Variants in EPB41L2 observed in about 807,000 individuals in gnomAD.
EPB41L2 encodes erythrocyte membrane protein band 4.1 like 2, also known as band 4.1-like protein 2.
EPB41L2 carries 43 observed loss-of-function variants against 113.0 expected under a neutral mutation model. The ratio of observed to expected loss-of-function variants is 0.38; its 90% CI spans 0.30 to 0.49. The LOEUF (loss-of-function observed/expected upper bound fraction) is 0.49, where lower values mean the gene tolerates loss of function less well. Among genes scored for constraint, EPB41L2 ranks in the 20% least tolerant of loss-of-function variants. The probability of loss-of-function intolerance (pLI) is 0.95; values close to 1 mark genes in which losing one functional copy is unlikely to be tolerated. For synonymous variants in EPB41L2, 442 were observed against 436.7 expected, an observed-to-expected ratio of 1.01 and a Z score of -0.15; for missense variants, 1,147 against 1,223.4, an observed-to-expected ratio of 0.94 and a Z score of 0.93.
At chr6:131,033,812 G>A (rs899150375) in intron 1 of EPB41L2, among the ~76,000 whole-genome samples, 2 of 152,178 alleles carry the variant, frequency 1.3e-5, no homozygotes, top group Non-Finnish European at 2.9e-5. Context: ...CTGTTTAACG[G>A]GTACAGAGTC....
Position 130,840,233 on chromosome 6 carries a change from C to G in EPB41L2, c.*371G>C, listed in dbSNP as rs1281329026. On this transcript the variant is annotated 3_prime_UTR_variant, in exon 20 of 20. Transcript: ENST00000337057. ...CAGCACCTGTTCAAGTGAACAGCAC[C>G]TTACCAGCTTGGGCTGGCTTTGTTC... is the stretch of plus-strand genomic sequence containing the variant. The G allele has an allele frequency of 1.3e-5, 2 of 152,714 alleles. No homozygotes were observed. The highest frequency in any genetic ancestry group is 3.9e-4 in the East Asian group (2 of 5,178). 9.5% of individuals were successfully genotyped at this position (152,714 alleles called of 1,614,324 possible). A position where few individuals can be genotyped will look rare whatever the true frequency, so the allele number is the denominator to read the frequency against.
chr6:130,844,354 G>A (rs940036142), intron 19 of EPB41L2, among the ~76,000 whole-genome samples: 1 of 151,876 alleles, frequency 6.6e-6, no homozygotes, highest in African/African-American at 2.4e-5. Flanking sequence ...CGAGGTCAGG[G>A]GTTTCACATG....
rs149057763 is a variant in EPB41L2, at chr6:130,953,761, G to C, written c.705+1344C>G. ...GTGCCCCTGTAACTGAGGTTGAAGG[G>C]AGCTGCCTTGTCCTTCCATCAGGTG... On this transcript the variant is annotated intron_variant, in intron 3 of 19. Coordinates refer to ENST00000337057, the MANE Select transcript of EPB41L2 (RefSeq NM_001431.4). Among the ~76,000 whole-genome samples the C allele has an allele frequency of 4.1e-3, 619 of 152,014 alleles. 4 individuals carry two copies. Among genetic ancestry groups the C allele is most frequent in the African/African-American group, 0.013 (558 of 41,496 alleles).
chr6:130,871,208 G>A lies in EPB41L2; in HGVS notation c.2044-1082C>T, dbSNP rs184933723. ...ATGTTATGATATTATTAACTAGGGTGGAAACCTTTTTGTACAGAGGGGTTT... is the reference window on the plus strand; with the variant it reads ...ATGTTATGATATTATTAACTAGGGTAGAAACCTTTTTGTACAGAGGGGTTT... On this transcript the variant is annotated intron_variant, in intron 14 of 19. Transcript: ENST00000337057. Among the ~76,000 whole-genome samples, 112 of 152,208 alleles carry A rather than the reference G, an allele frequency of 7.4e-4. 1 individual carries two copies. Among genetic ancestry groups the A allele is most frequent in the Non-Finnish European group, 1.3e-3 (90 of 68,008 alleles).
intron 1 of EPB41L2, among the ~76,000 whole-genome samples, chr6:130,985,036 A>G (rs1780214232): frequency 6.6e-6 from 1 of 152,134 alleles, no homozygotes; most frequent in Admixed American, 6.5e-5. Flanking sequence ...GAGGCAGCCA[A>G]ATGCCTAGAC....
intron 4 of EPB41L2, among the ~76,000 whole-genome samples, chr6:130,920,830 A>AGTTTCTTC (rs1802645966): frequency 6.6e-6 from 1 of 151,906 alleles, no homozygotes; most frequent in African/African-American, 2.4e-5. Context: ...TTTACTTTTA[A>AGTTTCTTC]ATTTCTTCAT....
intron 1 of EPB41L2, among the ~76,000 whole-genome samples, chr6:130,986,934 T>C (rs1780696541): frequency 6.6e-6 from 1 of 152,210 alleles, no homozygotes; most frequent in Non-Finnish European, 1.5e-5. Flanking sequence ...TAATCTACTT[T>C]CTGTTTCTAT....
rs377679664 is a variant in EPB41L2, at chr6:130,878,087, A to C, written c.2043+17T>G. ...CAACTGAAGTGAGACAGAGCCAACA[A>C]ATAGCTAATGACATACCCCTTGTGT... On this transcript the variant is annotated intron_variant, in intron 14 of 19. Coordinates refer to ENST00000337057, the MANE Select transcript of EPB41L2 (RefSeq NM_001431.4). 4 of 1,562,560 alleles carry C rather than the reference A, an allele frequency of 2.6e-6. No individual in the cohort carries two copies. The highest frequency in any genetic ancestry group is 3.5e-6 in the Non-Finnish European group (4 of 1,156,678).
At chr6:130,847,891 C>G (rs1777513568) in intron 19 of EPB41L2, among the ~76,000 whole-genome samples, 1 of 152,116 alleles carries the variant, frequency 6.6e-6, no homozygotes. Flanking sequence ...TGGTCAGGCT[C>G]CACTCAGTAT....
intron 19 of EPB41L2, among the ~76,000 whole-genome samples, chr6:130,847,875 G>C (rs1352022233): frequency 6.6e-6 from 1 of 152,214 alleles, no homozygotes; most frequent in South Asian, 2.1e-4. Context: ...AATAACAAAT[G>C]AACTATGGTC....
intron 11 of EPB41L2, among the ~76,000 whole-genome samples, chr6:130,889,244 T>C (rs1274876608): frequency 6.6e-6 from 1 of 151,890 alleles, no homozygotes; most frequent in African/African-American, 2.4e-5. Flanking sequence ...TCATCCATAC[T>C]AATCATTTTC....
chr6:130,983,720 G>A (rs9483201), intron 1 of EPB41L2, among the ~76,000 whole-genome samples: 33,863 of 151,592 alleles, frequency 0.22, 4,365 homozygotes, highest in East Asian at 0.47. Context: ...GTAGAGATGG[G>A]ATTGCACCAT....
At chr6:130,957,462 C>CT (rs904390554) in intron 1 of EPB41L2, among the ~76,000 whole-genome samples, 9 of 152,192 alleles carry the variant, frequency 5.9e-5, no homozygotes, top group African/African-American at 2.2e-4. Context: ...AGAGTCCTGG[C>CT]ACCCTGGACA....
In EPB41L2 at chr6:130,867,519, G is replaced by A. The variant is rs763002558; in HGVS notation, c.2670C>T (p.Ser890=). ...TTTGGACAATGGGGACTTCCTTGGT[G>A]GAGATTTCTGTCCTTTGTGAGGCAT... ...ISDASQRTEI[S]TKEVPIVQTE... The change falls in exon 16 of 20, where the codon TCC becomes TCT. Residue 890 remains serine, a synonymous_variant. Transcript: ENST00000337057. The A allele has an allele frequency of 6.2e-7, 1 of 1,613,978 alleles. No individual in the cohort carries two copies. Among genetic ancestry groups the A allele is most frequent in the South Asian group, 1.1e-5 (1 of 91,074 alleles).
At chr6:131,062,411 C>T (rs1173455582) in intron 1 of EPB41L2, 2 of 152,072 alleles carry the variant, frequency 1.3e-5, no homozygotes, top group African/African-American at 4.8e-5. Context: ...GGCCCCCAGG[C>T]GCAGGAGGAG....
chr6:131,046,450 G>A (rs1184649535), intron 1 of EPB41L2, among the ~76,000 whole-genome samples: 1 of 151,932 alleles, frequency 6.6e-6, no homozygotes, highest in Non-Finnish European at 1.5e-5. Context: ...GAAACAAAAG[G>A]GAAAAAACAG....
intron 19 of EPB41L2, among the ~76,000 whole-genome samples, chr6:130,855,345 C>T (rs981014233): frequency 4.0e-5 from 6 of 151,890 alleles, no homozygotes; most frequent in East Asian, 1.9e-4. Context: ...AGCGAGACTC[C>T]GTCACAAAAA....
intron 1 of EPB41L2, among the ~76,000 whole-genome samples, chr6:131,037,600 T>TTC: frequency 6.7e-6 from 1 of 150,240 alleles, no homozygotes; most frequent in South Asian, 2.1e-4. Flanking sequence ...TTTTTTTTTT[T>TTC]TTTTTTAAGA....
intron 1 of EPB41L2, among the ~76,000 whole-genome samples, chr6:130,987,794 G>C (rs1285651811): frequency 6.6e-6 from 1 of 152,088 alleles, no homozygotes; most frequent in East Asian, 1.9e-4. Flanking sequence ...AGTAGAAACA[G>C]GGAGAATGCA....
Sources: allele counts gnomAD v4.1 joint callset (sites outside exome capture counted in the v4.1 genomes callset), GRCh38; gene constraint gnomAD v4.1.1; transcripts MANE v1.5; gene names NCBI Gene and HGNC (gene_info 2026-07-23, HGNC 2026-07-21).